The following HDAC4 variants were observed in gnomAD, a reference collection of about 807,000 sequenced individuals.
HDAC4 encodes histone deacetylase A.
A neutral mutation model predicts 135.1 loss-of-function variants in HDAC4; 16 were observed. The observed-to-expected ratio is 0.12, with a 90% CI of 0.08 to 0.18. The LOEUF is 0.18. Ranked by LOEUF, HDAC4 falls within the 10% of genes least tolerant of loss-of-function variation. The pLI is 1.00. For synonymous variants in HDAC4, 685 were observed against 653.4 expected (o/e 1.05, Z -0.74); for missense variants, 1,143 against 1,511.8 (o/e 0.76, Z 4.05).
rs1693237838 is a variant in HDAC4, at chr2:239,352,591, C to T, written c.22+87G>A. 1.5e-6 allele frequency: 2 copies of T among 1,325,256 alleles called. No homozygotes were observed. Among genetic ancestry groups the T allele is most frequent in the Admixed American group, 2.0e-5 (1 of 50,430 alleles). 82.1% of individuals were successfully genotyped at this position (1,325,256 alleles called of 1,614,324 possible). ...TCAAGAAAAACAAAAGTCTCAAATC[C>T]AGAAAGCAAGCTGCAGTCACAAGAA... On this transcript the variant is annotated intron_variant, in intron 2 of 26. Transcript: ENST00000543185. This position sits in a 1 kb window ranked among gnomAD's most constrained non-coding sequence, Gnocchi z 4.4.
At position 239,170,413 on chromosome 2, in the gene HDAC4, C is replaced by T. The variant is rs370149824; in HGVS notation, c.490+6000G>A. ...AATACAAACAAATGAACAAAAATGT[C>T]CTATTTGGAAAAACTTCAAATCTAG... On this transcript the variant is annotated intron_variant, in intron 5 of 26. Coordinates refer to ENST00000543185, the MANE Select transcript of HDAC4 (RefSeq NM_001378414.1). Among the ~76,000 whole-genome samples, 13 of 152,124 alleles carry T rather than the reference C, an allele frequency of 8.5e-5. No individual in the cohort carries two copies. In the South Asian group the frequency reaches 2.5e-3, roughly 29 times the overall value.
intron 22 of HDAC4, among the ~76,000 whole-genome samples, chr2:239,073,534 C>T (rs1021148322): frequency 6.6e-6 from 1 of 152,254 alleles, no homozygotes; most frequent in Admixed American, 6.5e-5. Context: ...GCCAAGAGCA[C>T]AGGCGGCAGG....
intron 1 of HDAC4, among the ~76,000 whole-genome samples, chr2:239,364,678 T>C (rs1467814261): frequency 2.6e-5 from 4 of 152,254 alleles, no homozygotes; most frequent in African/African-American, 4.8e-5. Context: ...TATTTTATAA[T>C]TCAATAAAAA....
intron 5 of HDAC4, among the ~76,000 whole-genome samples, chr2:239,168,643 C>T (rs373112155): frequency 1.1e-3 from 170 of 152,316 alleles, no homozygotes; most frequent in African/African-American, 3.7e-3. Flanking sequence ...TCGTGTCCCC[C>T]GCGCCGGCCC....
chr2:239,095,776 G>A (rs1262074263), intron 16 of HDAC4, among the ~76,000 whole-genome samples: 1 of 152,178 alleles, frequency 6.6e-6, no homozygotes, highest in East Asian at 1.9e-4. Context: ...AGTGCTGGCT[G>A]AATGCACGTC....
chr2:239,120,872 A>G (rs1416904313), intron 12 of HDAC4, among the ~76,000 whole-genome samples: 5 of 150,892 alleles, frequency 3.3e-5, no homozygotes, highest in African/African-American at 1.2e-4. Context: ...GCAAATGGCC[A>G]CTCCCAGGAA....
chr2:239,382,546 G>A (rs890403056), intron 1 of HDAC4, among the ~76,000 whole-genome samples: 10 of 152,284 alleles, frequency 6.6e-5, no homozygotes, highest in Admixed American at 1.3e-4. Flanking sequence ...GATGGGCCAC[G>A]TCTCAGAGAC....
intron 12 of HDAC4, among the ~76,000 whole-genome samples, chr2:239,123,225 G>C (rs2039843934): frequency 6.6e-6 from 1 of 152,252 alleles, no homozygotes; most frequent in East Asian, 1.9e-4. Flanking sequence ...GCATTAGGAA[G>C]ACGGATGTGA....
At chr2:239,191,265 C>T (rs1332961252) in intron 3 of HDAC4, among the ~76,000 whole-genome samples, 4 of 152,350 alleles carry the variant, frequency 2.6e-5, no homozygotes, top group Non-Finnish European at 4.4e-5. Context: ...AGGGTCAGCA[C>T]CTTTGGGCGT....
chr2:239,223,546 C>T (rs1024690896), intron 3 of HDAC4, among the ~76,000 whole-genome samples: 1 of 152,212 alleles, frequency 6.6e-6, no homozygotes, highest in Non-Finnish European at 1.5e-5. Context: ...GCCTCAGTTC[C>T]TGAACCAGTA....
intron 2 of HDAC4, among the ~76,000 whole-genome samples, chr2:239,258,469 GGAAACACGTAAACCA>G (rs2049168888): frequency 6.6e-6 from 1 of 152,168 alleles, no homozygotes; most frequent in African/African-American, 2.4e-5. Flanking sequence ...ATTTCTCAAC[GGAAACACGTAAACCA>G]GAAAACAGTA....
chr2:239,387,457 G>T lies in HDAC4; in HGVS notation c.-220+13521C>A, dbSNP rs569480130. Among the ~76,000 whole-genome samples the T allele has an allele frequency of 3.9e-5, 6 of 152,286 alleles. No individual in the cohort carries two copies. The East Asian group carries it at 1.2e-3, about 29-fold the overall frequency. On this transcript the variant is annotated intron_variant, in intron 1 of 26. Coordinates refer to ENST00000543185, the MANE Select transcript of HDAC4 (RefSeq NM_001378414.1). ...TTTACAAAACCCCCCACCTTCGCCTGGAAGAAACCTCCTCTTAGAGGTGTG... is the reference window on the plus strand; with the variant it reads ...TTTACAAAACCCCCCACCTTCGCCTTGAAGAAACCTCCTCTTAGAGGTGTG...
Position 239,120,790 on chromosome 2 carries a change from C to G in HDAC4, c.1534-5480G>C, listed in dbSNP as rs1575101589. 2.0e-5 allele frequency among the ~76,000 whole-genome samples: 3 copies of G among 151,760 alleles called. No individual in the cohort carries two copies. The South Asian group carries it at 6.3e-4, about 32-fold the overall frequency. On this transcript the variant is annotated intron_variant, in intron 12 of 26. Coordinates refer to ENST00000543185, the MANE Select transcript of HDAC4 (RefSeq NM_001378414.1). Reference sequence around the variant, plus strand: ...GAGGGCAGCAACCCCATAGAGGACACAGAGGCAGGTCCCTTCTCTAGGGTG... The same window carrying G: ...GAGGGCAGCAACCCCATAGAGGACAGAGAGGCAGGTCCCTTCTCTAGGGTG...
chr2:239,129,260 T>G (rs1369975629), intron 11 of HDAC4, among the ~76,000 whole-genome samples: 2 of 152,226 alleles, frequency 1.3e-5, no homozygotes, highest in Non-Finnish European at 2.9e-5. Context: ...GACCTCTGCA[T>G]AGCAATGCTA....
At position 239,371,134 on chromosome 2, in the gene HDAC4, C is replaced by T. The variant is rs146427073; in HGVS notation, c.-219-18216G>A. Among the ~76,000 whole-genome samples, 42 of 152,354 alleles carry T rather than the reference C, an allele frequency of 2.8e-4. No individual in the cohort carries two copies. In the East Asian group the frequency reaches 6.2e-3, roughly 22 times the overall value. ...CACCTTTGTCCAGGCAGGAACCCTGCGCCTCAGGCCACCTTGTCTGTGCAG... is the reference window on the plus strand; with the variant it reads ...CACCTTTGTCCAGGCAGGAACCCTGTGCCTCAGGCCACCTTGTCTGTGCAG... On this transcript the variant is annotated intron_variant, in intron 1 of 26. Coordinates refer to ENST00000543185, the MANE Select transcript of HDAC4 (RefSeq NM_001378414.1).
intron 24 of HDAC4, among the ~76,000 whole-genome samples, chr2:239,065,555 C>A (rs1285355998): frequency 6.6e-6 from 1 of 152,200 alleles, no homozygotes; most frequent in Non-Finnish European, 1.5e-5. Context: ...CCGCTGAGCA[C>A]CAGGACACCC....
intron 22 of HDAC4, among the ~76,000 whole-genome samples, chr2:239,075,223 CAAAAAAAAA>C (rs67188784): frequency 1.9e-4 from 6 of 31,748 alleles, no homozygotes; most frequent in African/African-American, 4.2e-4. Flanking sequence ...GACTCCGTCT[CAAAAAAAAA>C]AAAAAAAAAA....
chr2:239,236,281 G>A (rs369584849), intron 3 of HDAC4, among the ~76,000 whole-genome samples: 3 of 152,174 alleles, frequency 2.0e-5, no homozygotes, highest in African/African-American at 4.8e-5. Context: ...AGGCCCTCAC[G>A]GGGATCAGGG....
intron 2 of HDAC4, among the ~76,000 whole-genome samples, chr2:239,343,941 G>A (rs947653453): frequency 1.1e-4 from 17 of 152,212 alleles, no homozygotes; most frequent in Admixed American, 5.2e-4. Flanking sequence ...CTATATGCAA[G>A]CACAAATGGA....
Sources: allele counts gnomAD v4.1 joint callset (sites outside exome capture counted in the v4.1 genomes callset), GRCh38; gene constraint gnomAD v4.1.1; non-coding constraint Gnocchi (gnomAD v3.1); transcripts MANE v1.5; gene names NCBI Gene and HGNC (gene_info 2026-07-23, HGNC 2026-07-21).